The following PHRF1 variants were observed in gnomAD, a reference collection of about 807,000 sequenced individuals.
PHRF1 encodes PHD and ring finger domains 1.
PHRF1 carries 53 observed loss-of-function variants against 128.9 expected under a neutral mutation model. That is an observed-to-expected ratio of 0.41 (90% CI 0.33 to 0.52). PHRF1 has a LOEUF of 0.52. Among genes scored for constraint, PHRF1 ranks in the 20% least tolerant of loss-of-function variants. The pLI, the probability that PHRF1 is intolerant of heterozygous loss-of-function variation, is 0.21. For synonymous variants in PHRF1, 1,178 were observed against 980.6 expected, an observed-to-expected ratio of 1.20 and a Z score of -3.76; for missense variants, 2,503 against 2,284.5, an observed-to-expected ratio of 1.10 and a Z score of -1.95.
chr11:587,223 A>T (rs200720688), intron 3 of PHRF1, 36 bp from the exon 4 acceptor site: 17 of 1,604,370 alleles, frequency 1.1e-5, no homozygotes, highest in Non-Finnish European at 1.4e-5. Flanking sequence ...CACGCTGCCC[A>T]TCCTGCTTGC....
At chr11:590,998 C>T (rs1854937482) in intron 4 of PHRF1, among the ~76,000 whole-genome samples, 2 of 152,174 alleles carry the variant, frequency 1.3e-5, no homozygotes, top group African/African-American at 2.4e-5. Flanking sequence ...CCCCTGCTCC[C>T]GGCCTATGAA....
In PHRF1 at chr11:587,606, T is replaced by A. The variant is rs1854648143; in HGVS notation, c.420+142T>A. ...CTGGGGCCACAGGATTGAGTCTGGC[T>A]TGGTCTTTGCTTTGTGAGCACCATG... On this transcript the variant is annotated intron_variant, in intron 4 of 17. Coordinates refer to ENST00000264555, the MANE Select transcript of PHRF1 (RefSeq NM_001286581.2). The A allele has an allele frequency of 1.1e-5, 9 of 852,978 alleles. No individual in the cohort carries two copies. In the South Asian group the frequency reaches 1.4e-4, roughly 13 times the overall value. 52.8% of individuals were successfully genotyped at this position (852,978 alleles called of 1,614,324 possible).
intron 3 of PHRF1, among the ~76,000 whole-genome samples, chr11:583,454 C>G (rs1223638591): frequency 6.6e-6 from 1 of 151,274 alleles, no homozygotes; most frequent in South Asian, 2.1e-4. Context: ...GAGGTCGAGG[C>G]TACAGCGAGC....
At chr11:582,197 G>C (rs546575755) in intron 3 of PHRF1, 116 bp downstream of exon 3, 2 of 1,469,910 alleles carry the variant, frequency 1.4e-6, no homozygotes. Flanking sequence ...ATGTCCCTGC[G>C]GTCACCTACG....
chr11:595,153 T>C (rs962297944), intron 6 of PHRF1, among the ~76,000 whole-genome samples: 4 of 151,998 alleles, frequency 2.6e-5, no homozygotes, highest in African/African-American at 9.7e-5. Context: ...CGAAACCCCG[T>C]CTCTACTAAA....
chr11:584,840 C>T (rs1297945567), intron 3 of PHRF1, among the ~76,000 whole-genome samples: 4 of 148,194 alleles, frequency 2.7e-5, no homozygotes, highest in South Asian at 2.1e-4. Flanking sequence ...CGGGTTCAAG[C>T]GATTCTCCTG....
chr11:608,862 A>C lies in PHRF1; in HGVS notation c.3406A>C (p.Lys1136Gln), dbSNP rs890153046. 5 of 1,612,236 alleles carry C rather than the reference A, an allele frequency of 3.1e-6. No individual in the cohort carries two copies. The highest frequency in any genetic ancestry group is 4.2e-6 in the Non-Finnish European group (5 of 1,179,814). ...TSSLERLCRHKHQRERSHERP... is the reference protein window; with the variant it reads ...TSSLERLCRHQHQRERSHERP... ...CAGCCTGGAGAGGCTCTGCAGGCAC[A>C]AGCATCAGCGGGAACGCAGCCACGA... Residue 1136 changes from lysine (K) to glutamine (Q), a missense_variant, in exon 14 of 18, where the codon AAG (lysine) becomes CAG (glutamine). Coordinates refer to ENST00000264555, the MANE Select transcript of PHRF1 (RefSeq NM_001286581.2).
intron 3 of PHRF1, among the ~76,000 whole-genome samples, chr11:583,814 G>A (rs964826606): frequency 6.6e-6 from 1 of 152,204 alleles, no homozygotes; most frequent in Non-Finnish European, 1.5e-5. Flanking sequence ...CACCCTCGGT[G>A]GTGCACAGCC....
At position 591,419 on chromosome 11, in the gene PHRF1, T is replaced by G; in HGVS notation, c.456T>G (p.Phe152Leu). Residue 152 changes from phenylalanine to leucine, a missense_variant, in exon 5 of 18, where the codon TTT becomes TTG. Coordinates refer to ENST00000264555, the MANE Select transcript of PHRF1 (RefSeq NM_001286581.2). ...ANSCPVDRTL[F>L]KCICIRAQFG... is the part of the protein sequence containing the mutation. ...CCTGTCCAGTTGATCGAACTCTATT[T>G]AAGTGCATTTGTATTCGAGCTCAAT... 6.2e-7 allele frequency: 1 copy of G among 1,610,370 alleles called. No homozygotes were observed. The highest frequency in any genetic ancestry group is 8.5e-7 in the Non-Finnish European group (1 of 1,178,526).
At position 608,249 on chromosome 11, in the gene PHRF1, G is replaced by T. The variant is rs1296408979; in HGVS notation, c.2793G>T (p.Arg931=). ...CAGAGAGCCAGGGCCTGGCTGCCCG[G>T]CTGCGGAGGCCATCCCCCCCAGAGC... ...EPTESQGLAA[R]LRRPSPPEPW... is the part of the protein sequence containing the mutation. The change falls in exon 14 of 18, where the codon CGG becomes CGT. Residue 931 remains arginine, a synonymous_variant. Coordinates refer to ENST00000264555, the MANE Select transcript of PHRF1 (RefSeq NM_001286581.2). The T allele has an allele frequency of 3.7e-6, 6 of 1,609,704 alleles. No individual in the cohort carries two copies. Among genetic ancestry groups the T allele is most frequent in the African/African-American group, 1.3e-5 (1 of 75,034 alleles).
Position 588,086 on chromosome 11 carries a change from T to C in PHRF1, c.420+622T>C, listed in dbSNP as rs1409915675. The stretch of plus-strand genomic sequence containing the variant: ...ACTCAGGGCTCAGCTCCGACACCAC[T>C]ACCTCTTGACTCCCTCCCCTCCCTG... On this transcript the variant is annotated intron_variant, in intron 4 of 17. Transcript: ENST00000264555. Among the ~76,000 whole-genome samples, 11 of 152,252 alleles carry C rather than the reference T, an allele frequency of 7.2e-5. No individual in the cohort carries two copies. The East Asian group carries it at 2.1e-3, about 29-fold the overall frequency.
rs751683523 is a variant in PHRF1 at position 607,440 on chromosome 11, G to A, written c.1984G>A (p.Val662Met). Reference protein sequence around the residue: ...RDSKPPCRSVVPGPPLKPAPR... With the variant: ...RDSKPPCRSVMPGPPLKPAPR... ...TTCTAAGCCCCCATGTCGCAGTGTG[G>A]TGCCGGGGCCTCCCCTGAAGCCAGC... is the stretch of plus-strand genomic sequence containing the variant. The change falls in exon 14 of 18, where the codon GTG becomes ATG. Residue 662 changes from valine (V) to methionine (M), a missense_variant. Transcript: ENST00000264555. 3.7e-6 allele frequency: 6 copies of A among 1,612,826 alleles called. No homozygotes were observed. Among genetic ancestry groups the A allele is most frequent in the Non-Finnish European group, 4.2e-6 (5 of 1,179,878 alleles).
At position 608,215 on chromosome 11, in the gene PHRF1, A is replaced by G. The variant is rs1264524465; in HGVS notation, c.2759A>G (p.Glu920Gly). The change falls in exon 14 of 18, where the codon GAG becomes GGG. Residue 920 changes from glutamate (E) to glycine (G), a missense_variant. By Grantham distance (98) the Glu-to-Gly change is moderately conservative. Transcript: ENST00000264555. Reference sequence around the variant, plus strand: ...GAGGGGGCCTCTGACACGGAGCGAGAGGAGCCCACAGAGAGCCAGGGCCTG... The same window carrying G: ...GAGGGGGCCTCTGACACGGAGCGAGGGGAGCCCACAGAGAGCCAGGGCCTG... ...AAEGASDTEREEPTESQGLAA... is the reference protein window; with the variant it reads ...AAEGASDTERGEPTESQGLAA... The G allele has an allele frequency of 1.2e-6, 2 of 1,609,414 alleles. No homozygotes were observed. The highest frequency in any genetic ancestry group is 2.2e-5 in the East Asian group (1 of 44,858).
At chr11:592,018 C>G (rs1340495276) in intron 5 of PHRF1, among the ~76,000 whole-genome samples, 3 of 151,856 alleles carry the variant, frequency 2.0e-5, no homozygotes, top group Non-Finnish European at 4.4e-5. Flanking sequence ...TGGGTTCACG[C>G]CATTGTCCTG....
intron 3 of PHRF1, among the ~76,000 whole-genome samples, chr11:582,398 G>A (rs1438303203): frequency 6.6e-6 from 1 of 151,906 alleles, no homozygotes; most frequent in African/African-American, 2.4e-5. Context: ...GTGAGTAGCT[G>A]GGATTACAGG....
In PHRF1 at chr11:598,445, G is replaced by A; in HGVS notation, c.967G>A (p.Ala323Thr). 5 of 1,611,200 alleles carry A rather than the reference G, an allele frequency of 3.1e-6. No homozygotes were observed. The South Asian group carries it at 4.4e-5, about 14-fold the overall frequency. Reference sequence around the variant, plus strand: ...GGCTGTGGCGACTGGCCTGAGCACTGCCGTGTATCAGCGCCCCCTGACGCC... The same window carrying A: ...GGCTGTGGCGACTGGCCTGAGCACTACCGTGTATCAGCGCCCCCTGACGCC... ...IEAVATGLSTAVYQRPLTPRT... is the reference protein window; with the variant it reads ...IEAVATGLSTTVYQRPLTPRT... Residue 323 changes from alanine to threonine, a missense_variant, in exon 9 of 18, where the codon GCC becomes ACC. Ala to Thr is a moderately conservative substitution (Grantham distance 58). Transcript: ENST00000264555.
Position 597,459 on chromosome 11 carries a change from C to G in PHRF1, c.783C>G (p.Ser261Arg), listed in dbSNP as rs2132991484. 1.2e-6 allele frequency: 2 copies of G among 1,612,828 alleles called. No homozygotes were observed. Among genetic ancestry groups the G allele is most frequent in the Middle Eastern group, 1.7e-4 (1 of 6,058 alleles). The stretch of plus-strand genomic sequence containing the variant: ...TGGCTGATGTGGTGCCCACCACCAG[C>G]AGGCTTCGGCCTCGAGCAGGTAGGA... ...LLLADVVPTTSRLRPRAGRTR... is the reference protein window; with the variant it reads ...LLLADVVPTTRRLRPRAGRTR... Residue 261 changes from serine (S) to arginine (R), a missense_variant, in exon 8 of 18, where the codon AGC (serine) becomes AGG (arginine). Physicochemically the swap from Ser to Arg is moderately radical, Grantham distance 110. Transcript: ENST00000264555. The surrounding 1 kb of genome is among the most constrained non-coding windows in gnomAD (Gnocchi z 6.5).
intron 5 of PHRF1, among the ~76,000 whole-genome samples, chr11:592,355 A>G (rs1855022825): frequency 6.6e-6 from 1 of 152,114 alleles, no homozygotes; most frequent in South Asian, 2.1e-4. Flanking sequence ...TTTCTGTTGA[A>G]TACTTTCCTC....
In PHRF1 at chr11:608,420, G is replaced by A. The variant is rs372659430; in HGVS notation, c.2964G>A (p.Arg988=). 4.4e-5 allele frequency: 71 copies of A among 1,611,546 alleles called. No individual in the cohort carries two copies. The African/African-American group carries it at 9.1e-4, about 21-fold the overall frequency. The change falls in exon 14 of 18, where the codon AGG becomes AGA. Residue 988 remains arginine (R), a synonymous_variant. Coordinates refer to ENST00000264555, the MANE Select transcript of PHRF1 (RefSeq NM_001286581.2). ...QAATHRVVEL[R]PPSRSRSTSS... is the part of the protein sequence containing the mutation. The stretch of plus-strand genomic sequence containing the variant: ...CCACCCACAGAGTCGTGGAGCTCAG[G>A]CCCCCTTCCCGGTCCCGCTCCACAT...
Sources: gnomAD v4.1 joint callset for allele counts (sites outside exome capture counted in the v4.1 genomes callset) on GRCh38, gnomAD v4.1.1 for gene constraint, Gnocchi (gnomAD v3.1) non-coding constraint, MANE v1.5 for transcripts, NCBI Gene and HGNC (gene_info 2026-07-23, HGNC 2026-07-21) for gene names.